The following UCHL5 variants were observed in gnomAD, a reference collection of about 807,000 sequenced individuals.
The protein encoded by UCHL5 is ubiquitin carboxyl-terminal hydrolase isozyme L5.
UCHL5 carries 34 observed loss-of-function variants against 53.8 expected under a neutral mutation model. The ratio of observed to expected loss-of-function variants is 0.63; its 90% confidence interval spans 0.48 to 0.84. UCHL5 has a LOEUF of 0.84. UCHL5 is among the 40% of genes least tolerant of loss of function. UCHL5 has a pLI of 0.00. For synonymous variants in UCHL5, 111 were observed against 126.3 expected (o/e 0.88, Z 0.81); for missense variants, 290 against 385.6 (o/e 0.75, Z 2.08).
chr1:193,059,507 G>C, upstream of UCHL5: 2 of 1,593,384 alleles, frequency 1.3e-6, no homozygotes. The surrounding 1 kb of genome is among the most constrained non-coding windows in gnomAD (Gnocchi z 4.9). Flanking sequence ...GATTCGGAAG[G>C]GCTGGGGCCT....
chr1:193,026,400 T>G (rs1659246990), intron 7 of UCHL5, among the ~76,000 whole-genome samples: 1 of 152,172 alleles, frequency 6.6e-6, no homozygotes, highest in Non-Finnish European at 1.5e-5. Flanking sequence ...GGCAATGTGT[T>G]TGATGAAGGA....
intron 2 of UCHL5, among the ~76,000 whole-genome samples, chr1:193,050,954 T>C (rs1447937377): frequency 6.6e-6 from 1 of 152,124 alleles, no homozygotes; most frequent in Non-Finnish European, 1.5e-5. Context: ...AATGATCCAT[T>C]TTTAATTAAC....
intron 3 of UCHL5, among the ~76,000 whole-genome samples, chr1:193,038,409 C>G (rs572075982): frequency 1.3e-5 from 2 of 148,970 alleles, no homozygotes; most frequent in African/African-American, 2.5e-5. Context: ...GAGCCGAGAT[C>G]GCGCCACTGC....
chr1:193,027,448 G>A (rs1022405132), intron 7 of UCHL5, among the ~76,000 whole-genome samples: 2 of 152,126 alleles, frequency 1.3e-5, no homozygotes, highest in African/African-American at 4.8e-5. Context: ...ACTTCGGGAG[G>A]CCAAGGTGGG....
At chr1:193,048,165 G>A (rs980987816) in intron 3 of UCHL5, among the ~76,000 whole-genome samples, 3 of 152,098 alleles carry the variant, frequency 2.0e-5, no homozygotes, top group African/African-American at 7.2e-5. Flanking sequence ...GAACAAACGA[G>A]AGACAAATGT....
chr1:193,018,980 ACG>A (rs1458871322), intron 10 of UCHL5, among the ~76,000 whole-genome samples: 5 of 151,666 alleles, frequency 3.3e-5, no homozygotes, highest in African/African-American at 1.2e-4. Context: ...GTTTTTCAAC[ACG>A]CTTTATTTTT....
intron 9 of UCHL5, among the ~76,000 whole-genome samples, chr1:193,021,742 T>A (rs1291970874): frequency 2.6e-5 from 4 of 152,224 alleles, no homozygotes; most frequent in Non-Finnish European, 5.9e-5. Context: ...TATAATTGAT[T>A]GCCCTTCCAT....
chr1:193,029,328 T>C lies in UCHL5; in HGVS notation c.435-19A>G, dbSNP rs369676045. On this transcript the variant is annotated intron_variant, in intron 5 of 10. Transcript: ENST00000367454. ...TTGCTGTCTACAGTAAATAAAAAAA[T>C]AGTGAAACTCAAAGAAGCAAAGAAA... 33 of 1,612,942 alleles carry C rather than the reference T, an allele frequency of 2.0e-5. No homozygotes were observed. The highest frequency in any genetic ancestry group is 2.6e-5 in the Non-Finnish European group (31 of 1,179,542).
intron 8 of UCHL5, 39 bp from the exon 9 acceptor site, chr1:193,023,075 A>G (rs982047859): frequency 2.2e-6 from 3 of 1,354,830 alleles, no homozygotes; most frequent in East Asian, 2.3e-5. Context: ...CACCCTAATA[A>G]TTGAGGCTTA....
At chr1:193,026,235 C>T (rs972902251) in intron 7 of UCHL5, among the ~76,000 whole-genome samples, 1 of 151,280 alleles carries the variant, frequency 6.6e-6, no homozygotes, top group Non-Finnish European at 1.5e-5. Flanking sequence ...GTATCTACAC[C>T]GAGACAAAGA....
intron 9 of UCHL5, among the ~76,000 whole-genome samples, 186 bp downstream of exon 9, chr1:193,022,740 A>C (rs950254861): frequency 6.6e-5 from 10 of 151,930 alleles, no homozygotes; most frequent in Admixed American, 5.9e-4. Flanking sequence ...ATTCCTAATA[A>C]TATTTTACAA....
chr1:193,057,947 T>C (rs1015542761), intron 1 of UCHL5, among the ~76,000 whole-genome samples: 5 of 152,196 alleles, frequency 3.3e-5, no homozygotes, highest in East Asian at 1.9e-4. Context: ...TTCCCAATCC[T>C]TGGGTGGGCG....
chr1:193,016,374 T>C lies in UCHL5; in HGVS notation c.964A>G (p.Lys322Glu). 1 of 1,605,856 alleles carries C rather than the reference T, an allele frequency of 6.2e-7. No individual in the cohort carries two copies. Residue 322 changes from lysine to glutamate, a missense_variant, in exon 11 of 11, where the codon AAG becomes GAG. Lys to Glu is a moderately conservative substitution (Grantham distance 56). Coordinates refer to ENST00000367454, the MANE Select transcript of UCHL5 (RefSeq NM_001199261.3). ...CTTCATTTGGTTTCCTGAGCTTTCT[T>C]TGCGTTCTGTTTTTCTTTTGCCTAA... ...VEKAKEKQNA[K>E]KAQETK
At chr1:193,045,848 GA>G (rs1394000089) in intron 3 of UCHL5, among the ~76,000 whole-genome samples, 1 of 151,946 alleles carries the variant, frequency 6.6e-6, no homozygotes, top group Non-Finnish European at 1.5e-5. Flanking sequence ...TATATACATT[GA>G]AAAAATAAAA....
chr1:193,020,238 A>G (rs1571446101), intron 10 of UCHL5: 2 of 1,477,552 alleles, frequency 1.4e-6, no homozygotes, highest in Non-Finnish European at 1.8e-6. Context: ...AATGTATAAC[A>G]TGAAACAGCT....
chr1:193,028,060 C>A, intron 7 of UCHL5, 25 bp downstream of exon 7: 1 of 1,599,102 alleles, frequency 6.3e-7, no homozygotes, highest in Non-Finnish European at 8.5e-7. Context: ...GAATATTATG[C>A]CAATGAGATT....
Position 193,043,151 on chromosome 1 carries a change from T to TAAAAAAAAA in UCHL5, c.246+6586_246+6594dup, listed in dbSNP as rs200951342. Reference sequence around the variant, plus strand: ...TGGAGCCTTGACAGCTCTTGAATATTAAAAAAAAAAAAAAAAAAAAAAAAA... The same window carrying TAAAAAAAAA: ...TGGAGCCTTGACAGCTCTTGAATATTAAAAAAAAAAAAAAAAAAAAAAAAAAAAAAAAAA... On this transcript the variant is annotated intron_variant, in intron 3 of 10. Coordinates refer to ENST00000367454, the MANE Select transcript of UCHL5 (RefSeq NM_001199261.3). 1.2e-3 allele frequency among the ~76,000 whole-genome samples: 43 copies of TAAAAAAAAA among 36,368 alleles called. 1 individual carries two copies. The highest frequency in any genetic ancestry group is 2.7e-3 in the African/African-American group (33 of 12,060). 23.9% of individuals were successfully genotyped at this position (36,368 alleles called of 152,430 possible). A position where few individuals can be genotyped will look rare whatever the true frequency, so the allele number is the denominator to read the frequency against.
At chr1:193,040,754 A>C (rs1665281584) in intron 3 of UCHL5, among the ~76,000 whole-genome samples, 1 of 152,242 alleles carries the variant, frequency 6.6e-6, no homozygotes, top group South Asian at 2.1e-4. Context: ...AGTGTCCATC[A>C]ATGGATGAAT....
At chr1:193,051,157 A>C (rs1668913829) in intron 2 of UCHL5, among the ~76,000 whole-genome samples, 1 of 152,118 alleles carries the variant, frequency 6.6e-6, no homozygotes, top group Non-Finnish European at 1.5e-5. Flanking sequence ...GACTCCCACC[A>C]GTGAAAATTC....
Sources: gnomAD v4.1 joint callset for allele counts (sites outside exome capture counted in the v4.1 genomes callset) on GRCh38, gnomAD v4.1.1 for gene constraint, Gnocchi (gnomAD v3.1) non-coding constraint, MANE v1.5 for transcripts, NCBI Gene and HGNC (gene_info 2026-07-23, HGNC 2026-07-21) for gene names.